The following PTK7 variants were observed in gnomAD, a reference collection of about 807,000 sequenced individuals.
PTK7 encodes the protein inactive tyrosine-protein kinase 7.
Under a neutral mutation model 116.6 loss-of-function variants are expected in PTK7, and 39 were observed. The ratio of observed to expected loss-of-function variants is 0.33; its 90% CI spans 0.26 to 0.44. The LOEUF is 0.44. Ranked by LOEUF, PTK7 falls within the 20% of genes least tolerant of loss-of-function variation. PTK7 has a pLI of 1.00. For synonymous variants in PTK7, 546 were observed against 563.6 expected (o/e 0.97, Z 0.44); for missense variants, 1,169 against 1,425.6 (o/e 0.82, Z 2.90).
rs752869485 is a variant in PTK7, at chr6:43,145,316, G to T, written c.2524G>T (p.Asp842Tyr). 9.9e-6 allele frequency: 16 copies of T among 1,613,938 alleles called. No individual in the cohort carries two copies. Among genetic ancestry groups the T allele is most frequent in the Admixed American group, 1.7e-5 (1 of 59,974 alleles). The part of the protein sequence containing the change: ...LQSKDEQQQL[D>Y]FRRELEMFGK... The stretch of plus-strand genomic sequence containing the variant: ...GAGCAAGGATGAGCAGCAGCAGCTG[G>T]ACTTCCGGAGGGAGTTGGAGATGTT... Residue 842 changes from aspartate to tyrosine, a missense_variant, in exon 16 of 20, where the codon GAC becomes TAC. This residue lies in a region of PTK7 where 678 missense variants were observed against 853.8 expected (regional missense o/e 0.79). Coordinates refer to ENST00000230419, the MANE Select transcript of PTK7 (RefSeq NM_002821.5). This position sits in a 1 kb window ranked among gnomAD's most constrained non-coding sequence, Gnocchi z 4.8.
chr6:43,158,532 A>G (rs1582234900), intron 17 of PTK7, among the ~76,000 whole-genome samples: 2 of 152,146 alleles, frequency 1.3e-5, no homozygotes, highest in African/African-American at 2.4e-5. Context: ...AGTGGTTACT[A>G]TGTATGTGCC....
Position 43,132,556 on chromosome 6 carries a change from A to G in PTK7, c.1097A>G (p.His366Arg), listed in dbSNP as rs745703136. The G allele has an allele frequency of 8.1e-6, 13 of 1,613,294 alleles. No homozygotes were observed. In the African/African-American group the frequency reaches 1.1e-4, roughly 13 times the overall value. Residue 366 changes from histidine to arginine, a missense_variant, in exon 7 of 20, where the codon CAT becomes CGT. His to Arg is a conservative substitution (Grantham distance 29). This residue lies in a region of PTK7 where 487 missense variants were observed against 549.8 expected (regional missense o/e 0.89). Transcript: ENST00000230419. Reference sequence around the variant, plus strand: ...CACGCGGGAGTCCGGCTGCCCACCCATGGCAGGGTCTACCAGAAGGGCCAC... The same window carrying G: ...CACGCGGGAGTCCGGCTGCCCACCCGTGGCAGGGTCTACCAGAAGGGCCAC... ...WEHAGVRLPT[H>R]GRVYQKGHEL...
intron 7 of PTK7, among the ~76,000 whole-genome samples, chr6:43,138,177 T>G (rs1770157506): frequency 1.3e-5 from 1 of 76,928 alleles, no homozygotes; most frequent in African/African-American, 9.8e-5. Flanking sequence ...CCTTGGGGGG[T>G]TTGTTTTTTT....
In PTK7 at chr6:43,118,681, A is replaced by G. The variant is rs866196810; in HGVS notation, c.80-10296A>G. 5.1e-4 allele frequency among the ~76,000 whole-genome samples: 54 copies of G among 105,532 alleles called. 1 individual carries two copies. The highest frequency in any genetic ancestry group is 1.2e-3 in the African/African-American group (28 of 22,656). 69.2% of individuals were successfully genotyped at this position (105,532 alleles called of 152,430 possible). On this transcript the variant is annotated intron_variant, in intron 1 of 19. Coordinates refer to ENST00000230419, the MANE Select transcript of PTK7 (RefSeq NM_002821.5). The stretch of plus-strand genomic sequence containing the variant: ...TCTCTATATATATATATATATATAT[A>G]TATATATGTATATATGTATATATGT...
At chr6:43,152,903 G>A (rs1260076834) in intron 17 of PTK7, among the ~76,000 whole-genome samples, 13 of 150,972 alleles carry the variant, frequency 8.6e-5, no homozygotes, top group African/African-American at 2.4e-4. Context: ...CTCCTGCCTC[G>A]GCCCCCTGAG....
At chr6:43,082,000 G>A (rs1205042438) in intron 1 of PTK7, among the ~76,000 whole-genome samples, 1 of 152,006 alleles carries the variant, frequency 6.6e-6, no homozygotes, top group African/African-American at 2.4e-5. Context: ...TCTGTGCGTG[G>A]GTAAGCACCG....
chr6:43,158,829 A>G lies in PTK7; in HGVS notation c.2734A>G (p.Thr912Ala). 1.2e-6 allele frequency: 2 copies of G among 1,613,964 alleles called. No individual in the cohort carries two copies. The highest frequency in any genetic ancestry group is 1.6e-4 in the Middle Eastern group (1 of 6,062). ...TTTATCTCTCCAGGTGGCCCTATGC[A>G]CCCAGGTAGCCCTGGGCATGGAGCA... ...LSTKQKVALC[T>A]QVALGMEHLS... Residue 912 changes from threonine (T) to alanine (A), a missense_variant, in exon 18 of 20, where the codon ACC becomes GCC. Physicochemically the swap from Thr to Ala is moderately conservative, Grantham distance 58. Coordinates refer to ENST00000230419, the MANE Select transcript of PTK7 (RefSeq NM_002821.5).
chr6:43,090,586 T>G (rs1258119728), intron 1 of PTK7, among the ~76,000 whole-genome samples: 1 of 152,186 alleles, frequency 6.6e-6, no homozygotes, highest in Non-Finnish European at 1.5e-5. Flanking sequence ...AGGTCTCCAG[T>G]GGAGGTTGTT....
Position 43,107,818 on chromosome 6 carries a change from G to A in PTK7, c.80-21159G>A, listed in dbSNP as rs886691026. Among the ~76,000 whole-genome samples the A allele has an allele frequency of 3.9e-5, 6 of 152,216 alleles. No homozygotes were observed. The South Asian group carries it at 8.3e-4, about 21-fold the overall frequency. On this transcript the variant is annotated intron_variant, in intron 1 of 19. Coordinates refer to ENST00000230419, the MANE Select transcript of PTK7 (RefSeq NM_002821.5). ...TCAGTAAAACCACCACAAATCGGCC[G>A]ATATTTCCTGAGCACCTCTCACGGG...
In PTK7 at chr6:43,076,337, C is replaced by T. The variant is rs972937461; in HGVS notation, c.-152C>T. ...GTACTGGGCGCGCGCGGCTCCGGCT[C>T]GGGACGCCTCGGGACGCCTCGGGGT... is the stretch of plus-strand genomic sequence containing the variant. On this transcript the variant is annotated 5_prime_UTR_variant, in exon 1 of 20. Coordinates refer to ENST00000230419, the MANE Select transcript of PTK7 (RefSeq NM_002821.5). This position sits in a 1 kb window ranked among gnomAD's most constrained non-coding sequence, Gnocchi z 5.7. 11 of 327,440 alleles carry T rather than the reference C, an allele frequency of 3.4e-5. No homozygotes were observed. The highest frequency in any genetic ancestry group is 1.2e-4 in the South Asian group (1 of 8,130). The allele number at this position is 327,440 out of a possible 1,614,324, so 20.3% of individuals were successfully genotyped here.
At chr6:43,121,056 GTTTT>G (rs564738874) in intron 1 of PTK7, among the ~76,000 whole-genome samples, 1,783 of 119,714 alleles carry the variant, frequency 0.015, 40 homozygotes, top group African/African-American at 0.054. Flanking sequence ...CCATGTTTCT[GTTTT>G]TTTTTTTTTT....
intron 1 of PTK7, among the ~76,000 whole-genome samples, chr6:43,113,592 G>C (rs921378921): frequency 6.6e-6 from 1 of 152,126 alleles, no homozygotes; most frequent in African/African-American, 2.4e-5. Context: ...GTCAGAGCCC[G>C]GGCCTGGCCC....
intron 16 of PTK7, chr6:43,146,264 C>G (rs1309418446): frequency 2.7e-5 from 5 of 186,646 alleles, no homozygotes; most frequent in Non-Finnish European, 5.6e-5. Flanking sequence ...TTGTAAAGCT[C>G]TGGAGGACAG....
intron 7 of PTK7, 170 bp from the exon 8 acceptor site, chr6:43,138,679 A>T (rs76733341): frequency 0.064 from 57,413 of 901,564 alleles, 2,041 homozygotes; most frequent in Non-Finnish European, 0.074. Context: ...AAAAAATTTT[A>T]AAAAAGGTGC....
At chr6:43,115,118 TC>T (rs1768434298) in intron 1 of PTK7, among the ~76,000 whole-genome samples, 2 of 152,154 alleles carry the variant, frequency 1.3e-5, no homozygotes, top group Non-Finnish European at 2.9e-5. Flanking sequence ...TTTGTTTTTT[TC>T]ATCTATTGTT....
intron 1 of PTK7, among the ~76,000 whole-genome samples, chr6:43,082,981 C>G (rs536533174): frequency 3.2e-4 from 48 of 152,278 alleles, no homozygotes; most frequent in African/African-American, 1.0e-3. Context: ...GTCTTTGGAG[C>G]ATTTCATATT....
chr6:43,122,594 C>T (rs1262928146), intron 1 of PTK7, among the ~76,000 whole-genome samples: 3 of 149,574 alleles, frequency 2.0e-5, no homozygotes, highest in South Asian at 2.1e-4. Flanking sequence ...GCCGTGGAGC[C>T]GGGGACTGAA....
At chr6:43,118,659 C>CTCTA (rs1212636673) in intron 1 of PTK7, among the ~76,000 whole-genome samples, 54 of 52,990 alleles carry the variant, frequency 1.0e-3, no homozygotes, top group East Asian at 2.9e-3. Flanking sequence ...CTCTCTCTCT[C>CTCTA]TATATATATA....
chr6:43,090,005 C>T (rs2150377155), intron 1 of PTK7, among the ~76,000 whole-genome samples: 1 of 152,316 alleles, frequency 6.6e-6, no homozygotes, highest in Admixed American at 6.5e-5. Flanking sequence ...TTTACCTTTG[C>T]CTGAAGGGCC....
Sources: gnomAD v4.1 joint callset for allele counts (sites outside exome capture counted in the v4.1 genomes callset) on GRCh38, gnomAD v4.1.1 for gene constraint, gnomAD v4.1.1 regional missense constraint, Gnocchi (gnomAD v3.1) non-coding constraint, MANE v1.5 for transcripts, NCBI Gene and HGNC (gene_info 2026-07-23, HGNC 2026-07-21) for gene names.